Variants in INTS9 observed in about 807,000 individuals in gnomAD.
INTS9 encodes protein related to CPSF subunits of 74 kDa.
In INTS9, 55 loss-of-function variants were observed where a neutral mutation model predicts 79.7. The observed-to-expected ratio is 0.69, with a 90% CI of 0.56 to 0.86. The LOEUF (loss-of-function observed/expected upper bound fraction) is 0.86, where lower values mean the gene tolerates loss of function less well. INTS9 is among the 40% of genes least tolerant of loss of function. INTS9 has a pLI of 0.00. For missense variants in INTS9, 721 were observed against 831.5 expected, an observed-to-expected ratio of 0.87 and a Z score of 1.64; for synonymous variants, 319 against 325.2, an observed-to-expected ratio of 0.98 and a Z score of 0.20.
intron 9 of INTS9, among the ~76,000 whole-genome samples, chr8:28,795,085 TGCCTTCCGTG>T (rs1804126833): frequency 6.6e-6 from 1 of 152,244 alleles, no homozygotes; most frequent in African/African-American, 2.4e-5. Flanking sequence ...CTAAGAACAG[TGCCTTCCGTG>T]TAAATATAAG....
At chr8:28,884,830 C>T (rs1388120546) in intron 1 of INTS9, among the ~76,000 whole-genome samples, 2 of 152,182 alleles carry the variant, frequency 1.3e-5, no homozygotes, top group African/African-American at 4.8e-5. Context: ...GAATCAAGCA[C>T]CGATAAAATG....
At chr8:28,801,726 C>T (rs535401494) in intron 8 of INTS9, among the ~76,000 whole-genome samples, 12 of 152,266 alleles carry the variant, frequency 7.9e-5, no homozygotes, top group African/African-American at 2.9e-4. Flanking sequence ...AAGACTCCCA[C>T]CTCAGCTTCC....
chr8:28,813,703 T>C, intron 6 of INTS9, 91 bp from the exon 7 acceptor site: 2 of 1,383,586 alleles, frequency 1.4e-6, no homozygotes, highest in East Asian at 2.3e-5. Context: ...TTGATCCAAA[T>C]GGTTTAATTT....
At chr8:28,825,050 C>A (rs1269697924) in intron 6 of INTS9, among the ~76,000 whole-genome samples, 1 of 152,192 alleles carries the variant, frequency 6.6e-6, no homozygotes, top group Non-Finnish European at 1.5e-5. Context: ...GTGATTGACT[C>A]TGACGAGCAG....
intron 9 of INTS9, among the ~76,000 whole-genome samples, chr8:28,794,396 T>C (rs777364412): frequency 6.6e-5 from 10 of 152,226 alleles, no homozygotes; most frequent in Non-Finnish European, 1.0e-4. Flanking sequence ...AACGTTTGTC[T>C]GCAGGAGTTA....
chr8:28,803,337 A>G (rs557210617), intron 8 of INTS9, among the ~76,000 whole-genome samples: 4 of 152,342 alleles, frequency 2.6e-5, no homozygotes, highest in African/African-American at 7.2e-5. Flanking sequence ...GCAGGTCACA[A>G]GCAAATCCAT....
chr8:28,888,807 A>G (rs11782284), intron 1 of INTS9, among the ~76,000 whole-genome samples: 64,797 of 152,080 alleles, frequency 0.43, 15,168 homozygotes, highest in Non-Finnish European at 0.53. Flanking sequence ...CTGGCTTTGC[A>G]GAATATATGC....
At chr8:28,859,178 C>T (rs1808324354) in intron 2 of INTS9, among the ~76,000 whole-genome samples, 1 of 152,178 alleles carries the variant, frequency 6.6e-6, no homozygotes, top group Non-Finnish European at 1.5e-5. Flanking sequence ...ATGAAATATA[C>T]ATGACCTCAG....
intron 1 of INTS9, among the ~76,000 whole-genome samples, chr8:28,888,044 T>G (rs1231281029): frequency 6.6e-6 from 1 of 152,238 alleles, no homozygotes; most frequent in Non-Finnish European, 1.5e-5. Context: ...TAATTTGCTC[T>G]TTATTGAGAA....
intron 11 of INTS9, among the ~76,000 whole-genome samples, chr8:28,781,840 G>A (rs1803283963): frequency 6.6e-6 from 1 of 152,208 alleles, no homozygotes; most frequent in South Asian, 2.1e-4. Context: ...TCTGTGTGAT[G>A]ATGTAATGGT....
At chr8:28,822,472 G>A (rs769822117) in intron 6 of INTS9, among the ~76,000 whole-genome samples, 1 of 152,176 alleles carries the variant, frequency 6.6e-6, no homozygotes, top group Non-Finnish European at 1.5e-5. Context: ...AACAAGTGTG[G>A]CTGTGTTCTG....
rs7841719 is a variant in INTS9 at position 28,813,730 on chromosome 8, T to C, written c.489-118A>G. 6 of 1,084,888 alleles carry C rather than the reference T, an allele frequency of 5.5e-6. No individual in the cohort carries two copies. In the African/African-American group the frequency reaches 6.4e-5, roughly 12 times the overall value. The allele number at this position is 1,084,888 out of a possible 1,614,324, so 67.2% of individuals were successfully genotyped here. A position where few individuals can be genotyped will look rare whatever the true frequency, so the allele number is the denominator to read the frequency against. On this transcript the variant is annotated intron_variant, in intron 6 of 16. Transcript: ENST00000521022. Reference sequence around the variant, plus strand: ...GTTTAATTTACTGGCATATAATTGTTCATAGGATTCCTTTATGACCATTTC... The same window carrying C: ...GTTTAATTTACTGGCATATAATTGTCCATAGGATTCCTTTATGACCATTTC...
chr8:28,773,280 G>A lies in INTS9; in HGVS notation c.1564-2200C>T, dbSNP rs911156863. On this transcript the variant is annotated intron_variant, in intron 14 of 16. Transcript: ENST00000521022. ...AGATTGAGACCATCCTGGCTAACAC[G>A]ATGAAACCCCGTCTCTACTAAAAAT... Among the ~76,000 whole-genome samples the A allele has an allele frequency of 3.3e-4, 50 of 152,070 alleles. 1 individual carries two copies. Among genetic ancestry groups the A allele is most frequent in the African/African-American group, 1.1e-3 (47 of 41,512 alleles).
intron 14 of INTS9, among the ~76,000 whole-genome samples, chr8:28,771,895 C>T (rs1207350670): frequency 6.6e-6 from 1 of 152,096 alleles, no homozygotes; most frequent in African/African-American, 2.4e-5. Flanking sequence ...GGGCCTCACT[C>T]TGCTGCCCAG....
intron 12 of INTS9, 34 bp from the exon 13 acceptor site, chr8:28,777,987 C>G: frequency 6.3e-7 from 1 of 1,578,436 alleles, no homozygotes; most frequent in East Asian, 2.3e-5. Flanking sequence ...TCTTACAATG[C>G]AGACTACACA....
At chr8:28,786,343 T>C (rs1803588417) in intron 11 of INTS9, among the ~76,000 whole-genome samples, 1 of 152,062 alleles carries the variant, frequency 6.6e-6, no homozygotes, top group Non-Finnish European at 1.5e-5. Context: ...GTGCAGTAAG[T>C]AGCACGATTG....
At position 28,842,838 on chromosome 8, in the gene INTS9, C is replaced by A. The variant is rs145622823; in HGVS notation, c.261+3909G>T. Among the ~76,000 whole-genome samples the A allele has an allele frequency of 1.1e-3, 164 of 152,266 alleles. 1 individual carries two copies. The highest frequency in any genetic ancestry group is 1.9e-3 in the South Asian group (9 of 4,824). On this transcript the variant is annotated intron_variant, in intron 4 of 16. Transcript: ENST00000521022. ...ATGATGGCAGGTTCAATGGTGTAAT[C>A]CTTCCAGATTTTCATGATGTTCTAT...
intron 1 of INTS9, among the ~76,000 whole-genome samples, chr8:28,879,289 A>G (rs911230778): frequency 6.6e-6 from 1 of 151,858 alleles, no homozygotes; most frequent in Non-Finnish European, 1.5e-5. Flanking sequence ...AATTCAATTA[A>G]AGTAATATAT....
chr8:28,802,772 A>C (rs920844298), intron 8 of INTS9, among the ~76,000 whole-genome samples: 5 of 152,064 alleles, frequency 3.3e-5, no homozygotes, highest in Non-Finnish European at 7.4e-5. Context: ...CCATACTTCA[A>C]ATCTTAGCCT....
Sources: allele counts gnomAD v4.1 joint callset (sites outside exome capture counted in the v4.1 genomes callset), GRCh38; gene constraint gnomAD v4.1.1; transcripts MANE v1.5; gene names NCBI Gene and HGNC (gene_info 2026-07-23, HGNC 2026-07-21).